The following TMPRSS4 variants were observed in gnomAD, a reference collection of about 807,000 sequenced individuals.
TMPRSS4 encodes the protein transmembrane serine protease 4.
A neutral mutation model predicts 56.4 loss-of-function variants in TMPRSS4; 45 were observed. The ratio of observed to expected loss-of-function variants is 0.80; its 90% confidence interval spans 0.63 to 1.02. TMPRSS4 has a LOEUF of 1.02. Ranked by LOEUF, TMPRSS4 falls within the 50% of genes least tolerant of loss-of-function variation. The pLI is 0.00. For missense variants in TMPRSS4, 546 were observed against 556.7 expected (o/e 0.98, Z 0.19); for synonymous variants, 205 against 211.0 (o/e 0.97, Z 0.25).
chr11:118,105,656 A>T (rs1946952094), intron 5 of TMPRSS4: 1 of 152,146 alleles, frequency 6.6e-6, no homozygotes, highest in African/African-American at 2.4e-5. Context: ...TCACTCAGAG[A>T]GTTTAGCTGG....
intron 8 of TMPRSS4, among the ~76,000 whole-genome samples, chr11:118,112,289 CTT>C (rs559111782): frequency 2.0e-5 from 3 of 148,000 alleles, no homozygotes; most frequent in African/African-American, 2.5e-5. Context: ...TGTCTGGAAA[CTT>C]TAAAAAAATT....
At position 118,077,283 on chromosome 11, in the gene TMPRSS4, G is replaced by C; in HGVS notation, c.-20G>C. On this transcript the variant is annotated 5_prime_UTR_variant, in exon 1 of 13. Coordinates refer to ENST00000437212, the MANE Select transcript of TMPRSS4 (RefSeq NM_019894.4). ...CTCAGCTCCAGGCTACAGGGAGACC[G>C]GGAGGATCACAGAGCCAGCATGGTG... 1 of 1,601,044 alleles carries C rather than the reference G, an allele frequency of 6.2e-7. No individual in the cohort carries two copies. Among genetic ancestry groups the C allele is most frequent in the Non-Finnish European group, 8.5e-7 (1 of 1,173,874 alleles).
intron 1 of TMPRSS4, among the ~76,000 whole-genome samples, chr11:118,094,036 C>T (rs1946144373): frequency 6.6e-6 from 1 of 152,302 alleles, no homozygotes; most frequent in East Asian, 1.9e-4. Context: ...TCCACTCTAC[C>T]AGTGACTGAC....
At chr11:118,102,440 G>A (rs1452884902) in intron 3 of TMPRSS4, among the ~76,000 whole-genome samples, 1 of 152,234 alleles carries the variant, frequency 6.6e-6, no homozygotes, top group Admixed American at 6.5e-5. Context: ...GAGTGCGGTG[G>A]CTCACGCCTG....
downstream of TMPRSS4, among the ~76,000 whole-genome samples, chr11:118,123,259 AG>A (rs1390152209): frequency 6.6e-6 from 1 of 152,190 alleles, no homozygotes; most frequent in Non-Finnish European, 1.5e-5. Context: ...CAGTGGAATC[AG>A]CAGATACTAT....
At chr11:118,117,484 C>T in intron 12 of TMPRSS4, 30 bp downstream of exon 12, 1 of 1,595,190 alleles carries the variant, frequency 6.3e-7, no homozygotes, top group Non-Finnish European at 8.6e-7. Flanking sequence ...CCCACTGTGC[C>T]TTCCCTCCAG....
rs1946641531 is a variant in TMPRSS4 at position 118,099,740 on chromosome 11, A to G, written c.157+642A>G. Among the ~76,000 whole-genome samples, 6 of 152,156 alleles carry G rather than the reference A, an allele frequency of 3.9e-5. No individual in the cohort carries two copies. In the South Asian group the frequency reaches 1.2e-3, roughly 32 times the overall value. On this transcript the variant is annotated intron_variant, in intron 3 of 12. Transcript: ENST00000437212. The stretch of plus-strand genomic sequence containing the variant: ...GTGGCTCTGAGCAGCGGCTGGAAGA[A>G]CAGGGCGAGTTTCTGCTTGTGAGGA...
In TMPRSS4 at chr11:118,118,062, A is replaced by G; in HGVS notation, c.*149A>G. On this transcript the variant is annotated 3_prime_UTR_variant, in exon 13 of 13. Transcript: ENST00000437212. ...ATTTCTTGGAGCAGCAAAGGGCCTC[A>G]ATTCCTATAAGAGACCCTCGCAGCC... 6.6e-7 allele frequency: 1 copy of G among 1,513,020 alleles called. No individual in the cohort carries two copies. Among genetic ancestry groups the G allele is most frequent in the Admixed American group, 2.2e-5 (1 of 45,606 alleles). The allele number at this position is 1,513,020 out of a possible 1,614,324, so 93.7% of individuals were successfully genotyped here.
rs368772983 is a variant in TMPRSS4, at chr11:118,117,238, G to T, written c.1153-67G>T. The T allele has an allele frequency of 6.0e-5, 92 of 1,526,970 alleles. No individual in the cohort carries two copies. In the East Asian group the frequency reaches 1.7e-3, roughly 28 times the overall value. The allele number at this position is 1,526,970 out of a possible 1,614,324, so 94.6% of individuals were successfully genotyped here. ...GGGAACAGATAGGCCAGTTCAGGGAGCAGAGAAGGAGAAGCCCCCCCACCT... is the reference window on the plus strand; with the variant it reads ...GGGAACAGATAGGCCAGTTCAGGGATCAGAGAAGGAGAAGCCCCCCCACCT... On this transcript the variant is annotated intron_variant, in intron 11 of 12. Coordinates refer to ENST00000437212, the MANE Select transcript of TMPRSS4 (RefSeq NM_019894.4).
chr11:118,109,508 A>G (rs901984367), intron 7 of TMPRSS4, among the ~76,000 whole-genome samples: 1 of 152,198 alleles, frequency 6.6e-6, no homozygotes, highest in African/African-American at 2.4e-5. Context: ...AGACCTGGGC[A>G]CCAGTCCTGT....
rs1715462 is a variant in TMPRSS4, at chr11:118,115,072, G to A, written c.1010-66G>A. The A allele has an allele frequency of 6.1e-3, 9,585 of 1,574,642 alleles. 498 individuals are homozygous for A. The African/African-American group carries it at 0.12, about 19-fold the overall frequency. ...AAGGCGCCAGGCAGAAAGCAAAGTG[G>A]TTTGGCAATCCAGGGCTGGGGGATA... On this transcript the variant is annotated intron_variant, in intron 10 of 12. Coordinates refer to ENST00000437212, the MANE Select transcript of TMPRSS4 (RefSeq NM_019894.4).
intron 3 of TMPRSS4, among the ~76,000 whole-genome samples, chr11:118,102,343 T>G (rs11216751): frequency 0.043 from 6,538 of 152,292 alleles, 540 homozygotes; most frequent in East Asian, 0.32. Flanking sequence ...GAGGCAGATA[T>G]TATAGATATC....
intron 11 of TMPRSS4, 101 bp from the exon 12 acceptor site, chr11:118,117,204 G>T (rs1947608012): frequency 8.8e-7 from 1 of 1,142,016 alleles, no homozygotes; most frequent in East Asian, 2.3e-5. Flanking sequence ...AGAGCAGCAG[G>T]GAGTGCAGGG....
At chr11:118,101,296 C>T (rs145204860) in intron 3 of TMPRSS4, among the ~76,000 whole-genome samples, 46 of 152,274 alleles carry the variant, frequency 3.0e-4, no homozygotes, top group East Asian at 2.7e-3. Flanking sequence ...GCTCCTGACA[C>T]GGTGACAAGC....
Position 118,090,614 on chromosome 11 carries a change from G to GAAAAA in TMPRSS4, c.4-4191_4-4187dup, listed in dbSNP as rs11369045. Among the ~76,000 whole-genome samples the GAAAAA allele has an allele frequency of 5.0e-3, 698 of 138,406 alleles. 11 individuals are homozygous for GAAAAA. Among genetic ancestry groups the GAAAAA allele is most frequent in the African/African-American group, 0.018 (672 of 36,418 alleles). 90.8% of individuals were successfully genotyped at this position (138,406 alleles called of 152,430 possible). ...CAATACAGTGATACCTCATCTCTAC[G>GAAAAA]AAAAAAAAAAAAAAATAGCTGGGCG... On this transcript the variant is annotated intron_variant, in intron 1 of 12. Transcript: ENST00000437212.
In TMPRSS4 at chr11:118,120,167, A is replaced by G. The variant is rs1274173415; in HGVS notation, c.*2254A>G. On this transcript the variant is annotated 3_prime_UTR_variant, in exon 13 of 13. Transcript: ENST00000437212. ...CTTCAAGTTTCACCCATGTTGTAGC[A>G]TGTGTCAGAATTTCTTCCCTTTTTA... 1 of 152,230 alleles carries G rather than the reference A, an allele frequency of 6.6e-6. No homozygotes were observed. The highest frequency in any genetic ancestry group is 2.4e-5 in the African/African-American group (1 of 41,454). The allele number at this position is 152,230 out of a possible 1,614,324, so 9.4% of individuals were successfully genotyped here.
intron 1 of TMPRSS4, among the ~76,000 whole-genome samples, chr11:118,083,097 G>T (rs1945281655): frequency 6.6e-6 from 1 of 152,182 alleles, no homozygotes; most frequent in Non-Finnish European, 1.5e-5. Flanking sequence ...CCCCAGGGGT[G>T]CTCAGAGCCC....
chr11:118,098,274 C>T (rs1458771714), intron 2 of TMPRSS4, among the ~76,000 whole-genome samples: 5 of 151,416 alleles, frequency 3.3e-5, no homozygotes, highest in Admixed American at 6.6e-5. Context: ...AGGCACCCTC[C>T]GTGCCTCCGA....
At position 118,117,982 on chromosome 11, in the gene TMPRSS4, G is replaced by T. The variant is rs903398911; in HGVS notation, c.*69G>T. On this transcript the variant is annotated 3_prime_UTR_variant, in exon 13 of 13. Coordinates refer to ENST00000437212, the MANE Select transcript of TMPRSS4 (RefSeq NM_019894.4). ...CCTGCCCACCTGGGGATCCCCCAAA[G>T]TCAGACACAGAGCAAGAGTCCCCTT... The T allele has an allele frequency of 1.7e-5, 27 of 1,611,180 alleles. No individual in the cohort carries two copies. In the Admixed American group the frequency reaches 4.5e-4, roughly 27 times the overall value.
Sources: allele counts gnomAD v4.1 joint callset (sites outside exome capture counted in the v4.1 genomes callset), GRCh38; gene constraint gnomAD v4.1.1; transcripts MANE v1.5; gene names NCBI Gene and HGNC (gene_info 2026-07-23, HGNC 2026-07-21).